TP63: variants seen among roughly 807,000 people sequenced by gnomAD.
TP63 encodes tumor protein 63.
In TP63, 17 loss-of-function variants were observed where a neutral mutation model predicts 82.8. That is an observed-to-expected ratio of 0.21 (90% confidence interval 0.14 to 0.31). TP63 has a LOEUF of 0.31. TP63 is among the 10% of genes least tolerant of loss of function. The pLI is 1.00. For missense variants in TP63, 648 were observed against 895.3 expected, an observed-to-expected ratio of 0.72 and a Z score of 3.52; for synonymous variants, 330 against 321.7, an observed-to-expected ratio of 1.03 and a Z score of -0.28.
the TP63 span, among the ~76,000 whole-genome samples, chr3:189,599,022 A>G: frequency 3.3e-5 from 5 of 152,222 alleles, no homozygotes; most frequent in East Asian, 7.7e-4. Flanking sequence ...AGGAGGAAGC[A>G]GGTTTGGATA....
At chr3:189,768,474 A>G (rs1723110287) in intron 3 of TP63, among the ~76,000 whole-genome samples, 1 of 152,148 alleles carries the variant, frequency 6.6e-6, no homozygotes, top group African/African-American at 2.4e-5. Flanking sequence ...GTTGCATGTT[A>G]CTTTTTAAAA....
At chr3:189,623,364 T>A in the TP63 span, among the ~76,000 whole-genome samples, 4 of 152,218 alleles carry the variant, frequency 2.6e-5, no homozygotes, top group Non-Finnish European at 5.9e-5. Flanking sequence ...ACACACATGC[T>A]TCATGAATAC....
chr3:189,783,997 A>C (rs543474030), intron 3 of TP63, among the ~76,000 whole-genome samples: 1 of 152,140 alleles, frequency 6.6e-6, no homozygotes, highest in East Asian at 1.9e-4. Flanking sequence ...ATTATATTGC[A>C]TATGATCTCA....
intron 3 of TP63, among the ~76,000 whole-genome samples, chr3:189,749,341 AAAAT>A (rs944837619): frequency 1.3e-5 from 2 of 152,204 alleles, no homozygotes; most frequent in Non-Finnish European, 2.9e-5. Context: ...CAACAGTAAA[AAAAT>A]AAATAATCCC....
At chr3:189,696,830 T>C (rs78453066) in intron 1 of TP63, among the ~76,000 whole-genome samples, 1,624 of 152,272 alleles carry the variant, frequency 0.011, 31 homozygotes, top group African/African-American at 0.037. Context: ...ATTTGCCTTC[T>C]TGATATGTAC....
chr3:189,761,170 G>A (rs1448891298), intron 3 of TP63, among the ~76,000 whole-genome samples: 1 of 152,176 alleles, frequency 6.6e-6, no homozygotes, highest in African/African-American at 2.4e-5. Context: ...ATTAACATTA[G>A]GCTGCTTGTT....
chr3:189,694,712 GT>G (rs1015590570), intron 1 of TP63, among the ~76,000 whole-genome samples: 4 of 138,532 alleles, frequency 2.9e-5, no homozygotes, highest in Non-Finnish European at 6.3e-5. Flanking sequence ...TGTTTGTTAG[GT>G]TTTTTCACTT....
intron 3 of TP63, among the ~76,000 whole-genome samples, chr3:189,745,708 C>CAAAAAAAAAAAAAAAAAAAAA (rs71298529): frequency 5.6e-5 from 1 of 17,800 alleles, no homozygotes; most frequent in Non-Finnish European, 9.9e-5. Flanking sequence ...AACTCCATCT[C>CAAAAAAAAAAAAAAAAAAAAA]AAAAAAAAAA....
At chr3:189,609,316 A>G in the TP63 span, among the ~76,000 whole-genome samples, 3 of 152,136 alleles carry the variant, frequency 2.0e-5, no homozygotes, top group African/African-American at 7.2e-5. Flanking sequence ...TGTTGATACA[A>G]TTAATAGTGC....
At chr3:189,650,475 A>C (rs923943922) in intron 1 of TP63, among the ~76,000 whole-genome samples, 3 of 146,496 alleles carry the variant, frequency 2.0e-5, no homozygotes, top group Middle Eastern at 3.5e-3. Context: ...AGATTGAATC[A>C]TGGGGGCAGT....
At chr3:189,853,116 C>T (rs944695426) in intron 4 of TP63, among the ~76,000 whole-genome samples, 18 of 152,186 alleles carry the variant, frequency 1.2e-4, no homozygotes, top group Non-Finnish European at 2.2e-4. Context: ...CTTCTCATCA[C>T]CTCTACTGCT....
intron 1 of TP63, among the ~76,000 whole-genome samples, chr3:189,697,116 G>T (rs1717433834): frequency 6.6e-6 from 1 of 151,578 alleles, no homozygotes; most frequent in Non-Finnish European, 1.5e-5. Context: ...CAGTGGTCCA[G>T]ATTTTTCCCA....
intron 1 of TP63, among the ~76,000 whole-genome samples, chr3:189,708,759 C>T (rs1718379889): frequency 6.6e-6 from 1 of 152,146 alleles, no homozygotes; most frequent in Non-Finnish European, 1.5e-5. Context: ...CTATAATGAA[C>T]ATCGCCTAAA....
chr3:189,790,612 A>T lies in TP63; in HGVS notation c.325-17660A>T, dbSNP rs111271500. Among the ~76,000 whole-genome samples, 20 of 152,162 alleles carry T rather than the reference A, an allele frequency of 1.3e-4. 1 individual carries two copies. Among genetic ancestry groups the T allele is most frequent in the African/African-American group, 4.6e-4 (19 of 41,544 alleles). ...AAAAAAAAATCCTGAAGAGACTGTA[A>T]GGCTTTGAGGAAGTTTCCTAAGGTT... On this transcript the variant is annotated intron_variant, in intron 3 of 13. Coordinates refer to ENST00000264731, the MANE Select transcript of TP63 (RefSeq NM_003722.5).
chr3:189,878,250 TAGAC>T (rs535545768), intron 10 of TP63, among the ~76,000 whole-genome samples: 3 of 152,250 alleles, frequency 2.0e-5, no homozygotes, highest in East Asian at 3.9e-4. Flanking sequence ...ATTTCTAGGT[TAGAC>T]AGAGAAATCC....
chr3:189,623,556 A>G, the TP63 span, among the ~76,000 whole-genome samples: 1 of 152,178 alleles, frequency 6.6e-6, no homozygotes, highest in East Asian at 1.9e-4. Context: ...ACTGGGATCT[A>G]TTTGAGCATA....
intron 11 of TP63, among the ~76,000 whole-genome samples, chr3:189,887,458 A>G (rs1176631212): frequency 6.6e-6 from 1 of 152,098 alleles, no homozygotes. Context: ...TCTCACACAC[A>G]TTCCTCATAT....
At chr3:189,786,393 C>A (rs1486811086) in intron 3 of TP63, among the ~76,000 whole-genome samples, 2 of 151,278 alleles carry the variant, frequency 1.3e-5, no homozygotes, top group African/African-American at 4.9e-5. Context: ...TTTTCCTACA[C>A]CAAAAAGCAA....
upstream of TP63, among the ~76,000 whole-genome samples, chr3:189,629,692 G>A (rs951520250): frequency 2.0e-5 from 3 of 152,122 alleles, no homozygotes; most frequent in Non-Finnish European, 4.4e-5. Context: ...ACCAGAATCT[G>A]CATTAACAAG....
Sources: gnomAD v4.1 joint callset for allele counts (sites outside exome capture counted in the v4.1 genomes callset) on GRCh38, gnomAD v4.1.1 for gene constraint, MANE v1.5 for transcripts, NCBI Gene and HGNC (gene_info 2026-07-23, HGNC 2026-07-21) for gene names.